The following CSMD3 variants were observed in gnomAD, a reference collection of about 807,000 sequenced individuals.
CSMD3 encodes CUB and Sushi multiple domains 3.
Under a neutral mutation model 435.2 loss-of-function variants are expected in CSMD3, and 177 were observed. That is an observed-to-expected ratio of 0.41 (90% CI 0.36 to 0.46). CSMD3 has a LOEUF of 0.46. Ranked by LOEUF, CSMD3 falls within the 20% of genes least tolerant of loss-of-function variation. CSMD3 has a pLI of 0.34. For synonymous variants in CSMD3, 1,656 were observed against 1,520.5 expected, an observed-to-expected ratio of 1.09 and a Z score of -2.07; for missense variants, 4,265 against 4,504.6, an observed-to-expected ratio of 0.95 and a Z score of 1.52.
In CSMD3 at chr8:113,356,830, C is replaced by T. The variant is rs551126131; in HGVS notation, c.179-42037G>A. On this transcript the variant is annotated intron_variant, in intron 1 of 70. Coordinates refer to ENST00000297405, the MANE Select transcript of CSMD3 (RefSeq NM_198123.2). ...AGTTACCTAAATGATGCAGTTACAT[C>T]TGTGAGCATTCTAAAAATGCAAGCA... Among the ~76,000 whole-genome samples the T allele has an allele frequency of 4.8e-4, 73 of 152,152 alleles. 1 individual carries two copies. Among genetic ancestry groups the T allele is most frequent in the South Asian group, 4.1e-3 (20 of 4,828 alleles).
chr8:113,304,925 A>G lies in CSMD3; in HGVS notation c.401+9646T>C, dbSNP rs2093806493. On this transcript the variant is annotated intron_variant, in intron 2 of 70. Coordinates refer to ENST00000297405, the MANE Select transcript of CSMD3 (RefSeq NM_198123.2). The stretch of plus-strand genomic sequence containing the variant: ...AACTTAAAGTATAATAAAAAAAAAA[A>G]AAAAAGAAAATGTGGCACATATACA... Among the ~76,000 whole-genome samples the G allele has an allele frequency of 1.3e-5, 2 of 149,284 alleles. 1 individual carries two copies. The highest frequency in any genetic ancestry group is 4.9e-5 in the African/African-American group (2 of 40,736).
chr8:112,372,907 C>T (rs1451280766), intron 38 of CSMD3, among the ~76,000 whole-genome samples: 1 of 149,670 alleles, frequency 6.7e-6, no homozygotes, highest in Non-Finnish European at 1.5e-5. Flanking sequence ...TATCCGCCAG[C>T]ATTTACCTTT....
intron 32 of CSMD3, among the ~76,000 whole-genome samples, chr8:112,460,867 G>T (rs1029994707): frequency 6.6e-6 from 1 of 152,118 alleles, no homozygotes; most frequent in African/African-American, 2.4e-5. Context: ...GGTTTATAAA[G>T]TTATAAGAGA....
At chr8:113,319,672 C>CA (rs889459829) in intron 1 of CSMD3, among the ~76,000 whole-genome samples, 9 of 151,146 alleles carry the variant, frequency 6.0e-5, no homozygotes, top group South Asian at 4.2e-4. Context: ...TTTTGCAAGG[C>CA]AAAAAAAAGT....
intron 11 of CSMD3, among the ~76,000 whole-genome samples, chr8:112,845,979 G>C (rs1008336369): frequency 1.3e-5 from 2 of 151,966 alleles, no homozygotes; most frequent in Admixed American, 1.3e-4. Context: ...CAGGAAAACA[G>C]AGAATAAAGA....
chr8:112,818,268 ATG>A (rs1315607360), intron 12 of CSMD3, among the ~76,000 whole-genome samples: 4 of 152,134 alleles, frequency 2.6e-5, no homozygotes, highest in Non-Finnish European at 5.9e-5. Flanking sequence ...GTGATATATT[ATG>A]TGTTTATTAA....
At position 113,263,707 on chromosome 8, in the gene CSMD3, G is replaced by T. The variant is rs561600178; in HGVS notation, c.514+14885C>A. On this transcript the variant is annotated intron_variant, in intron 3 of 70. Coordinates refer to ENST00000297405, the MANE Select transcript of CSMD3 (RefSeq NM_198123.2). Reference sequence around the variant, plus strand: ...TTCACTTGAACATATATGATTAAAAGAACATATAAAATCTGAAGAATATTC... The same window carrying T: ...TTCACTTGAACATATATGATTAAAATAACATATAAAATCTGAAGAATATTC... Among the ~76,000 whole-genome samples, 13 of 151,792 alleles carry T rather than the reference G, an allele frequency of 8.6e-5. No individual in the cohort carries two copies. The South Asian group carries it at 2.7e-3, about 31-fold the overall frequency.
intron 13 of CSMD3, among the ~76,000 whole-genome samples, chr8:112,722,643 G>A (rs554277692): frequency 2.0e-5 from 3 of 152,010 alleles, no homozygotes; most frequent in Admixed American, 6.6e-5. Flanking sequence ...TGGCAAAATC[G>A]TAAAAACTGA....
At chr8:113,300,957 G>C (rs1563670385) in intron 2 of CSMD3, among the ~76,000 whole-genome samples, 1 of 151,922 alleles carries the variant, frequency 6.6e-6, no homozygotes. Flanking sequence ...AGAAACATAA[G>C]GTTGAGCCAA....
At chr8:113,148,757 G>C (rs531377731) in intron 4 of CSMD3, among the ~76,000 whole-genome samples, 1 of 151,504 alleles carries the variant, frequency 6.6e-6, no homozygotes, top group East Asian at 2.0e-4. Flanking sequence ...GAGTTTTGTT[G>C]GTTTCTTCAT....
At chr8:113,355,013 T>C (rs1156425117) in intron 1 of CSMD3, among the ~76,000 whole-genome samples, 1 of 152,176 alleles carries the variant, frequency 6.6e-6, no homozygotes, top group Non-Finnish European at 1.5e-5. Context: ...TCCATCTCAA[T>C]AAACATCAAT....
intron 13 of CSMD3, among the ~76,000 whole-genome samples, chr8:112,719,242 T>G (rs970418053): frequency 6.6e-6 from 1 of 152,152 alleles, no homozygotes; most frequent in African/African-American, 2.4e-5. Context: ...ATTAGAAGAC[T>G]AAGTAAAAGT....
At chr8:113,041,002 G>C (rs2087584125) in intron 5 of CSMD3, among the ~76,000 whole-genome samples, 1 of 151,836 alleles carries the variant, frequency 6.6e-6, no homozygotes, top group Non-Finnish European at 1.5e-5. Context: ...TCAGGATTTC[G>C]AGACCAGTCT....
intron 13 of CSMD3, among the ~76,000 whole-genome samples, chr8:112,772,854 C>A (rs569568669): frequency 6.6e-6 from 1 of 152,096 alleles, no homozygotes; most frequent in East Asian, 1.9e-4. Flanking sequence ...TTTTTCTTTA[C>A]CTTGTTTATG....
chr8:112,710,374 T>A (rs1198929486), intron 13 of CSMD3, among the ~76,000 whole-genome samples: 2 of 152,102 alleles, frequency 1.3e-5, no homozygotes, highest in East Asian at 1.9e-4. Flanking sequence ...TCAATCTCTT[T>A]AGCAGATTGC....
At chr8:113,024,176 C>A (rs1222324470) in intron 5 of CSMD3, among the ~76,000 whole-genome samples, 1 of 152,028 alleles carries the variant, frequency 6.6e-6, no homozygotes, top group Non-Finnish European at 1.5e-5. Context: ...TGATATTTAT[C>A]TTTCTGTTTC....
chr8:112,509,243 C>A (rs1822845375), intron 28 of CSMD3, among the ~76,000 whole-genome samples: 1 of 152,084 alleles, frequency 6.6e-6, no homozygotes. Flanking sequence ...AGGTGTGCTG[C>A]CACATGCAGC....
Position 112,535,434 on chromosome 8 carries a change from G to C in CSMD3, c.4564+15237C>G, listed in dbSNP as rs542345184. Among the ~76,000 whole-genome samples, 546 of 151,150 alleles carry C rather than the reference G, an allele frequency of 3.6e-3. 1 individual carries two copies. Among genetic ancestry groups the C allele is most frequent in the African/African-American group, 0.013 (518 of 41,346 alleles). On this transcript the variant is annotated intron_variant, in intron 27 of 70. Coordinates refer to ENST00000297405, the MANE Select transcript of CSMD3 (RefSeq NM_198123.2). ...CTCCCATTCACAATTGCTTCAAAGA[G>C]AATAAAATACCTAGGAATCCAACTT...
At chr8:112,518,070 T>C (rs1436797268) in intron 27 of CSMD3, among the ~76,000 whole-genome samples, 1 of 152,194 alleles carries the variant, frequency 6.6e-6, no homozygotes, top group African/African-American at 2.4e-5. Flanking sequence ...AATGGAATAT[T>C]ACTCAGTAAT....
Sources: gnomAD v4.1 joint callset for allele counts (sites outside exome capture counted in the v4.1 genomes callset) on GRCh38, gnomAD v4.1.1 for gene constraint, MANE v1.5 for transcripts, NCBI Gene and HGNC (gene_info 2026-07-23, HGNC 2026-07-21) for gene names.